Variants in PCDHA11 observed in about 807,000 individuals in gnomAD.
PCDHA11 encodes protocadherin alpha 11.
Under a neutral mutation model 70.3 loss-of-function variants are expected in PCDHA11, and 61 were observed. That is an observed-to-expected ratio of 0.87 (90% CI 0.71 to 1.07). The LOEUF (loss-of-function observed/expected upper bound fraction) is 1.07. Ranked by LOEUF, PCDHA11 falls within the 50% of genes least tolerant of loss-of-function variation. The pLI, the probability that PCDHA11 is intolerant of heterozygous loss-of-function variation, is 0.00. For synonymous variants in PCDHA11, 633 were observed against 555.1 expected, an observed-to-expected ratio of 1.14 and a Z score of -1.97; for missense variants, 1,324 against 1,237.5, an observed-to-expected ratio of 1.07 and a Z score of -1.05.
intron 1 of PCDHA11, chr5:140,967,531 T>C (rs1399482021): frequency 3.7e-6 from 6 of 1,613,104 alleles, no homozygotes; most frequent in Non-Finnish European, 4.2e-6. Context: ...ACAACTCTCC[T>C]GCCTTTGACC....
At chr5:140,972,729 T>G (rs574244702) in intron 1 of PCDHA11, among the ~76,000 whole-genome samples, 47 of 147,600 alleles carry the variant, frequency 3.2e-4, no homozygotes, top group African/African-American at 1.1e-3. Context: ...AGTGGCGTAA[T>G]CCCGGCTCAC....
intron 1 of PCDHA11, chr5:140,969,495 C>A: frequency 7.0e-7 from 1 of 1,437,888 alleles, no homozygotes; most frequent in South Asian, 1.5e-5. Flanking sequence ...TATTTCCTCT[C>A]TAGAAAAATA....
At chr5:140,943,277 AG>A (rs199866143) in intron 1 of PCDHA11, among the ~76,000 whole-genome samples, 16,429 of 127,604 alleles carry the variant, frequency 0.13, 1,638 homozygotes, top group African/African-American at 0.18. Flanking sequence ...AAAAAAAAAA[AG>A]AAAGAAAGAA....
intron 1 of PCDHA11, among the ~76,000 whole-genome samples, chr5:140,914,947 T>TC (rs1232423561): frequency 7.0e-6 from 1 of 142,282 alleles, no homozygotes; most frequent in Non-Finnish European, 1.5e-5. Context: ...AAGTTGTCTT[T>TC]TTTTTTTTTT....
At chr5:140,872,392 T>C (rs2053635930) in intron 1 of PCDHA11, among the ~76,000 whole-genome samples, 1 of 152,152 alleles carries the variant, frequency 6.6e-6, no homozygotes, top group African/African-American at 2.4e-5. Flanking sequence ...TTTGGGAGGC[T>C]GAGGCAGGAG....
In PCDHA11 at chr5:140,964,303, C is replaced by T. The variant is rs947126454; in HGVS notation, c.2392-14646C>T. Among the ~76,000 whole-genome samples the T allele has an allele frequency of 9.2e-5, 14 of 152,208 alleles. 1 individual carries two copies. Among genetic ancestry groups the T allele is most frequent in the Non-Finnish European group, 2.9e-5 (2 of 68,038 alleles). On this transcript the variant is annotated intron_variant, in intron 1 of 3. Coordinates refer to ENST00000398640, the MANE Select transcript of PCDHA11 (RefSeq NM_018902.5). ...AATTCTAGCTGGAGCTAAATACCTA[C>T]AAGGCCTAAAACAGCATAATGGACA... is the stretch of plus-strand genomic sequence containing the variant.
At chr5:140,871,536 A>G in intron 1 of PCDHA11, 42 bp downstream of exon 1, 1 of 1,507,188 alleles carries the variant, frequency 6.6e-7, no homozygotes, top group East Asian at 2.4e-5. Context: ...AGTGTATGTG[A>G]AATTATTTAA....
intron 1 of PCDHA11, among the ~76,000 whole-genome samples, chr5:140,940,084 A>G (rs1320170233): frequency 1.3e-5 from 2 of 152,202 alleles, no homozygotes; most frequent in East Asian, 3.8e-4. Context: ...TCTTTCTGCT[A>G]AATTGAAACT....
At chr5:140,918,027 G>C (rs782291548) in intron 1 of PCDHA11, among the ~76,000 whole-genome samples, 2 of 152,108 alleles carry the variant, frequency 1.3e-5, no homozygotes, top group East Asian at 3.8e-4. Context: ...ACCCATGAGC[G>C]TGGAAGGTCT....
intron 1 of PCDHA11, among the ~76,000 whole-genome samples, chr5:140,950,405 T>G (rs1258791881): frequency 3.3e-5 from 5 of 152,042 alleles, no homozygotes; most frequent in African/African-American, 1.2e-4. Flanking sequence ...TCTGGGGGAT[T>G]GACAGATTTT....
intron 1 of PCDHA11, among the ~76,000 whole-genome samples, chr5:140,960,541 C>G (rs1200507322): frequency 6.6e-6 from 1 of 151,924 alleles, no homozygotes; most frequent in African/African-American, 2.4e-5. Context: ...GAAACTGTGG[C>G]CTTCATATAG....
In PCDHA11 at chr5:140,969,495, C is replaced by T. The variant is rs1205771172; in HGVS notation, c.2392-9454C>T. On this transcript the variant is annotated intron_variant, in intron 1 of 3. Transcript: ENST00000398640. The stretch of plus-strand genomic sequence containing the variant: ...TTGATCATAATCTGCTATTTCCTCT[C>T]TAGAAAAATAGCACTAAAGAATTGT... 10 of 1,437,770 alleles carry T rather than the reference C, an allele frequency of 7.0e-6. No homozygotes were observed. The African/African-American group carries it at 7.2e-5, about 10-fold the overall frequency. The allele number at this position is 1,437,770 out of a possible 1,614,324, so 89.1% of individuals were successfully genotyped here. A position where few individuals can be genotyped will look rare whatever the true frequency, so the allele number is the denominator to read the frequency against.
intron 1 of PCDHA11, among the ~76,000 whole-genome samples, chr5:140,958,355 C>A (rs2095420165): frequency 6.6e-6 from 1 of 152,064 alleles, no homozygotes; most frequent in Admixed American, 6.6e-5. Context: ...CACAGTCTGA[C>A]TTTATCAGGA....
At chr5:140,877,376 G>C in intron 1 of PCDHA11, 1 of 1,614,014 alleles carries the variant, frequency 6.2e-7, no homozygotes, top group South Asian at 1.1e-5. Flanking sequence ...AGCACGACAC[G>C]CATCCTGGAT....
intron 1 of PCDHA11, among the ~76,000 whole-genome samples, chr5:140,953,965 G>A (rs1554221174): frequency 6.6e-6 from 1 of 152,024 alleles, no homozygotes; most frequent in Non-Finnish European, 1.5e-5. Flanking sequence ...GCCCCAGTGT[G>A]TGTTGTTCCC....
At chr5:140,931,323 T>A (rs912582961) in intron 1 of PCDHA11, among the ~76,000 whole-genome samples, 1 of 152,110 alleles carries the variant, frequency 6.6e-6, no homozygotes, top group Non-Finnish European at 1.5e-5. Context: ...CAGTAATGGC[T>A]GTAAAGTTTG....
rs2092672361 is a variant in PCDHA11, at chr5:140,940,726, G to A, written c.2392-38223G>A. On this transcript the variant is annotated intron_variant, in intron 1 of 3. Coordinates refer to ENST00000398640, the MANE Select transcript of PCDHA11 (RefSeq NM_018902.5). Reference sequence around the variant, plus strand: ...ATACCTGCTGTGTGCTGTTTCAGCTGGACAGCTCCATATTTTTATGTGTGC... The same window carrying A: ...ATACCTGCTGTGTGCTGTTTCAGCTAGACAGCTCCATATTTTTATGTGTGC... 3.9e-5 allele frequency among the ~76,000 whole-genome samples: 6 copies of A among 152,124 alleles called. No homozygotes were observed. The South Asian group carries it at 1.2e-3, about 31-fold the overall frequency.
chr5:140,980,441 A>G (rs1454168972), intron 2 of PCDHA11, among the ~76,000 whole-genome samples: 7 of 152,124 alleles, frequency 4.6e-5, no homozygotes, highest in African/African-American at 1.7e-4. Context: ...ACCATCCTGG[A>G]CAACACGGTG....
chr5:140,926,311 G>C (rs2030500500), intron 1 of PCDHA11: 1 of 152,272 alleles, frequency 6.6e-6, no homozygotes, highest in South Asian at 2.1e-4. Flanking sequence ...CTCCGCCGGA[G>C]AGGTGCGCCG....
Sources: gnomAD v4.1 joint callset for allele counts (sites outside exome capture counted in the v4.1 genomes callset) on GRCh38, gnomAD v4.1.1 for gene constraint, MANE v1.5 for transcripts, NCBI Gene and HGNC (gene_info 2026-07-23, HGNC 2026-07-21) for gene names.